LMOD2: variants seen among roughly 807,000 people sequenced by gnomAD.
LMOD2 encodes the protein leiomodin 2.
A neutral mutation model predicts 41.7 loss-of-function variants in LMOD2; 27 were observed. That is an observed-to-expected ratio of 0.65 (90% confidence interval 0.48 to 0.89). LMOD2 has a LOEUF of 0.89. Ranked by LOEUF, LMOD2 falls within the 40% of genes least tolerant of loss-of-function variation. LMOD2 has a pLI of 0.00. For synonymous variants in LMOD2, 251 were observed against 244.6 expected (o/e 1.03, Z -0.25); for missense variants, 624 against 667.9 (o/e 0.93, Z 0.72).
rs776250233 is a variant in LMOD2, at chr7:123,662,469, A to C, written c.883A>C (p.Asn295His). 4 of 1,613,880 alleles carry C rather than the reference A, an allele frequency of 2.5e-6. No homozygotes were observed. The highest frequency in any genetic ancestry group is 3.4e-6 in the Non-Finnish European group (4 of 1,179,900). ...GGCCATCATGAGAGCTCTCCAGCAC[A>C]ACACGGTGCTCACGGAGCTGCGTTT... Reference protein sequence around the residue: ...ILAIMRALQHNTVLTELRFHN... With the variant: ...ILAIMRALQHHTVLTELRFHN... Residue 295 changes from asparagine to histidine, a missense_variant, in exon 2 of 3, where the codon AAC becomes CAC. Physicochemically the swap from Asn to His is moderately conservative, Grantham distance 68 (BLOSUM62 1). Transcript: ENST00000458573. This position sits in a 1 kb window ranked among gnomAD's most constrained non-coding sequence, Gnocchi z 4.0.
chr7:123,658,265 T>C (rs551492734), intron 1 of LMOD2, among the ~76,000 whole-genome samples: 1 of 152,314 alleles, frequency 6.6e-6, no homozygotes, highest in Non-Finnish European at 1.5e-5. Context: ...CTCCCAGTAC[T>C]TTCCCTGCTG....
chr7:123,662,621 G>C lies in LMOD2; in HGVS notation c.1035G>C (p.Thr345=), dbSNP rs766317196. ...TCCCAGGACCAAGAATGAGCATGACGAGCATTTTGACAAGAAATATGGATA... is the reference window on the plus strand; with the variant it reads ...TCCCAGGACCAAGAATGAGCATGACCAGCATTTTGACAAGAAATATGGATA... The part of the protein sequence containing the change: ...FELPGPRMSM[T]SILTRNMDKQ... The change falls in exon 2 of 3, where the codon ACG becomes ACC. Residue 345 remains threonine (T), a synonymous_variant. Coordinates refer to ENST00000458573, the MANE Select transcript of LMOD2 (RefSeq NM_207163.3). This position sits in a 1 kb window ranked among gnomAD's most constrained non-coding sequence, Gnocchi z 4.0. 6.2e-7 allele frequency: 1 copy of C among 1,614,004 alleles called. No homozygotes were observed.
intron 1 of LMOD2, among the ~76,000 whole-genome samples, chr7:123,658,173 T>A (rs1802820100): frequency 6.6e-6 from 1 of 152,104 alleles, no homozygotes; most frequent in African/African-American, 2.4e-5. Context: ...GTTTTGCTGA[T>A]CCCTGCCAAT....
chr7:123,658,238 T>C, intron 1 of LMOD2, among the ~76,000 whole-genome samples: 1 of 152,168 alleles, frequency 6.6e-6, no homozygotes, highest in African/African-American at 2.4e-5. Context: ...GGTTCCTTTC[T>C]AGGCTATTAA....
In LMOD2 at chr7:123,663,133, C is replaced by A. The variant is rs1210928391; in HGVS notation, c.1547C>A (p.Thr516Asn). Residue 516 changes from threonine (T) to asparagine (N), a missense_variant, in exon 2 of 3, where the codon ACC becomes AAC. Physicochemically the swap from Thr to Asn is moderately conservative, Grantham distance 65. Transcript: ENST00000458573. ...ATGGAAGACAGTTCCCGACCTTCTA[C>A]CCCACAGAGATCAGCTCATGAGAAT... ...KKMEDSSRPS[T>N]PQRSAHENLM... The A allele has an allele frequency of 1.3e-6, 2 of 1,568,694 alleles. No homozygotes were observed. The highest frequency in any genetic ancestry group is 3.8e-5 in the Admixed American group (2 of 52,946).
Position 123,656,035 on chromosome 7 carries a change from C to T in LMOD2, c.72C>T (p.Ser24=). 6.2e-7 allele frequency: 1 copy of T among 1,610,774 alleles called. No homozygotes were observed. The highest frequency in any genetic ancestry group is 8.5e-7 in the Non-Finnish European group (1 of 1,178,582). The change falls in exon 1 of 3, where the codon TCC becomes TCT. Residue 24 remains serine, a synonymous_variant. Coordinates refer to ENST00000458573, the MANE Select transcript of LMOD2 (RefSeq NM_207163.3). ...TCGACGAGGATGAACTCCTCGCCTCCCTGTCAGCCGAGGAGCTGAAGGAGC... is the reference window on the plus strand; with the variant it reads ...TCGACGAGGATGAACTCCTCGCCTCTCTGTCAGCCGAGGAGCTGAAGGAGC... The part of the protein sequence containing the change: ...ESIDEDELLA[S]LSAEELKELE...
At chr7:123,658,751 T>A (rs1802830275) in intron 1 of LMOD2, among the ~76,000 whole-genome samples, 1 of 152,094 alleles carries the variant, frequency 6.6e-6, no homozygotes, top group Admixed American at 6.5e-5. Context: ...GAAGTGAAAA[T>A]TAAAGAACAT....
chr7:123,658,147 C>T (rs1419052428), intron 1 of LMOD2, among the ~76,000 whole-genome samples: 4 of 152,166 alleles, frequency 2.6e-5, no homozygotes, highest in Non-Finnish European at 4.4e-5. Context: ...GACGAACCCA[C>T]CTGATCCTGC....
At chr7:123,660,583 G>A (rs1802861953) in intron 1 of LMOD2, among the ~76,000 whole-genome samples, 1 of 118,416 alleles carries the variant, frequency 8.4e-6, no homozygotes, top group Non-Finnish European at 1.9e-5. Flanking sequence ...GGGCGCCCTC[G>A]AGGTCAAAAA....
chr7:123,659,044 G>A (rs1802834867), intron 1 of LMOD2, among the ~76,000 whole-genome samples: 1 of 152,136 alleles, frequency 6.6e-6, no homozygotes, highest in African/African-American at 2.4e-5. Context: ...ACTACTAATA[G>A]CCTACTGTGG....
At chr7:123,660,254 G>A (rs187469736) in intron 1 of LMOD2, among the ~76,000 whole-genome samples, 143 of 151,480 alleles carry the variant, frequency 9.4e-4, no homozygotes, top group African/African-American at 3.2e-3. Flanking sequence ...ATTGTGACTT[G>A]CAGCCAGCTG....
intron 1 of LMOD2, among the ~76,000 whole-genome samples, chr7:123,659,352 T>C (rs1032816894): frequency 6.6e-6 from 1 of 152,266 alleles, no homozygotes; most frequent in African/African-American, 2.4e-5. Flanking sequence ...GACAGAGTAT[T>C]TTATAAAGTA....
At position 123,662,586 on chromosome 7, in the gene LMOD2, C is replaced by G; in HGVS notation, c.1000C>G (p.His334Asp). The change falls in exon 2 of 3, where the codon CAT becomes GAT. Residue 334 changes from histidine to aspartate, a missense_variant. By Grantham distance (81) the His-to-Asp change is moderately conservative. Coordinates refer to ENST00000458573, the MANE Select transcript of LMOD2 (RefSeq NM_207163.3). This position sits in a 1 kb window ranked among gnomAD's most constrained non-coding sequence, Gnocchi z 4.0. ...CACGACGCTGCTGAGGCTGGGATAC[C>G]ATTTTGAACTCCCAGGACCAAGAAT... ...ENTTLLRLGYHFELPGPRMSM... is the reference protein window; with the variant it reads ...ENTTLLRLGYDFELPGPRMSM... 2 of 1,613,914 alleles carry G rather than the reference C, an allele frequency of 1.2e-6. No homozygotes were observed. The highest frequency in any genetic ancestry group is 1.7e-6 in the Non-Finnish European group (2 of 1,179,880).
In LMOD2 at chr7:123,662,116, A is replaced by G. The variant is rs550454932; in HGVS notation, c.530A>G (p.Asn177Ser). Residue 177 changes from asparagine to serine, a missense_variant, in exon 2 of 3, where the codon AAT (asparagine) becomes AGT (serine). By Grantham distance (46) the Asn-to-Ser change is conservative (BLOSUM62 1). Transcript: ENST00000458573. This position sits in a 1 kb window ranked among gnomAD's most constrained non-coding sequence, Gnocchi z 4.0. The part of the protein sequence containing the change: ...KSQIENINLT[N>S]GSNGRNTESP... ...CAAATAGAGAACATAAATTTGACCA[A>G]TGGCAGCAATGGGAGGAACACAGAG... 9.3e-6 allele frequency: 15 copies of G among 1,612,830 alleles called. No homozygotes were observed. In the African/African-American group the frequency reaches 1.7e-4, roughly 19 times the overall value.
intron 1 of LMOD2, among the ~76,000 whole-genome samples, chr7:123,656,765 C>A (rs1212888962): frequency 1.3e-5 from 2 of 152,112 alleles, no homozygotes; most frequent in African/African-American, 4.8e-5. Context: ...AGTCACAGGG[C>A]CTTGTTATGA....
At chr7:123,661,745 A>C in intron 1 of LMOD2, 115 bp from the exon 2 acceptor site, 1 of 665,032 alleles carries the variant, frequency 1.5e-6, no homozygotes, top group Non-Finnish European at 2.5e-6. Flanking sequence ...AGGATTATTA[A>C]CTTTTTTTAT....
chr7:123,658,294 C>T (rs142517496), intron 1 of LMOD2, among the ~76,000 whole-genome samples: 46 of 152,244 alleles, frequency 3.0e-4, no homozygotes, highest in South Asian at 2.3e-3. Flanking sequence ...TCTGTAGTTG[C>T]CAGGCATGAT....
In LMOD2 at chr7:123,657,985, T is replaced by C. The variant is rs1268586405; in HGVS notation, c.273+1749T>C. Among the ~76,000 whole-genome samples the C allele has an allele frequency of 6.0e-5, 7 of 116,962 alleles. 1 individual carries two copies. In the South Asian group the frequency reaches 1.4e-3, roughly 24 times the overall value. The allele number at this position is 116,962 out of a possible 152,430, so 76.7% of individuals were successfully genotyped here. A position where few individuals can be genotyped will look rare whatever the true frequency, so the allele number is the denominator to read the frequency against. ...GCCTGAGCCACAAACCAAAACCTTG[T>C]CTCATTAAAAAAAAAAAAAAAAAAA... On this transcript the variant is annotated intron_variant, in intron 1 of 2. Coordinates refer to ENST00000458573, the MANE Select transcript of LMOD2 (RefSeq NM_207163.3).
At chr7:123,661,318 G>A (rs1459664449) in intron 1 of LMOD2, among the ~76,000 whole-genome samples, 1 of 152,222 alleles carries the variant, frequency 6.6e-6, no homozygotes, top group East Asian at 1.9e-4. Flanking sequence ...CTGGCAGAGA[G>A]TGGTTGGCTT....
Sources: allele counts gnomAD v4.1 joint callset (sites outside exome capture counted in the v4.1 genomes callset), GRCh38; gene constraint gnomAD v4.1.1; non-coding constraint Gnocchi (gnomAD v3.1); transcripts MANE v1.5; gene names NCBI Gene and HGNC (gene_info 2026-07-23, HGNC 2026-07-21).